NT5DC2: variants seen among roughly 807,000 people sequenced by gnomAD.
NT5DC2 encodes the protein 5'-nucleotidase domain containing 2.
A neutral mutation model predicts 70.0 loss-of-function variants in NT5DC2; 41 were observed. The ratio of observed to expected loss-of-function variants is 0.59; its 90% confidence interval spans 0.46 to 0.76. The LOEUF (loss-of-function observed/expected upper bound fraction) is 0.76, where lower values mean the gene tolerates loss of function less well. NT5DC2 is among the 30% of genes least tolerant of loss of function. The probability of loss-of-function intolerance (pLI) is 0.00; values close to 1 mark genes in which losing one functional copy is unlikely to be tolerated. For missense variants in NT5DC2, 705 were observed against 783.2 expected, an observed-to-expected ratio of 0.90 and a Z score of 1.19; for synonymous variants, 299 against 310.4, an observed-to-expected ratio of 0.96 and a Z score of 0.39.
chr3:52,528,180 C>G lies in NT5DC2; in HGVS notation c.771+3G>C. On this transcript the variant is annotated splice_donor_region_variant and intron_variant, in intron 6 of 13. Coordinates refer to ENST00000422318, the MANE Select transcript of NT5DC2 (RefSeq NM_001134231.2). ...CATCCGAGGGCAGGCCCAGCATCCTCACCGTCACGTCCTTGTAGAGATGTG... is the reference window on the plus strand; with the variant it reads ...CATCCGAGGGCAGGCCCAGCATCCTGACCGTCACGTCCTTGTAGAGATGTG... 1 of 1,613,174 alleles carries G rather than the reference C, an allele frequency of 6.2e-7. No individual in the cohort carries two copies. Among genetic ancestry groups the G allele is most frequent in the Non-Finnish European group, 8.5e-7 (1 of 1,180,044 alleles).
At position 52,524,944 on chromosome 3, in the gene NT5DC2, C is replaced by A; in HGVS notation, c.1347+19G>T. The A allele has an allele frequency of 6.2e-7, 1 of 1,612,380 alleles. No individual in the cohort carries two copies. On this transcript the variant is annotated intron_variant, in intron 12 of 13. Coordinates refer to ENST00000422318, the MANE Select transcript of NT5DC2 (RefSeq NM_001134231.2). Reference sequence around the variant, plus strand: ...GGAGGCTACCGCCCTGGCCCTCCCACAGCCACCCCGGCCCACACCTGCATG... The same window carrying A: ...GGAGGCTACCGCCCTGGCCCTCCCAAAGCCACCCCGGCCCACACCTGCATG...
At position 52,533,489 on chromosome 3, in the gene NT5DC2, C is replaced by A; in HGVS notation, c.232+17G>T. On this transcript the variant is annotated intron_variant, in intron 1 of 13. Coordinates refer to ENST00000422318, the MANE Select transcript of NT5DC2 (RefSeq NM_001134231.2). ...GCGGAAGACACCCCGGCGCACGTCC[C>A]GCCCCGGCTCACCCACCGTGCACCA... 6.7e-7 allele frequency: 1 copy of A among 1,495,416 alleles called. No homozygotes were observed. The highest frequency in any genetic ancestry group is 2.9e-5 in the East Asian group (1 of 34,418). 92.6% of individuals were successfully genotyped at this position (1,495,416 alleles called of 1,614,324 possible). A position where few individuals can be genotyped will look rare whatever the true frequency, so the allele number is the denominator to read the frequency against.
intron 5 of NT5DC2, 33 bp downstream of exon 5, chr3:52,528,413 A>G (rs1222838764): frequency 5.0e-6 from 8 of 1,612,424 alleles, no homozygotes; most frequent in Non-Finnish European, 5.9e-6. Flanking sequence ...GCACATGTCC[A>G]TGGGGCAGGC....
At chr3:52,527,222 C>G (rs1261706447) in intron 10 of NT5DC2, 72 bp downstream of exon 10, 6 of 1,414,860 alleles carry the variant, frequency 4.2e-6, no homozygotes, top group Non-Finnish European at 6.0e-6. Context: ...CAGAGGCTGC[C>G]TCTGCACAGC....
intron 1 of NT5DC2, among the ~76,000 whole-genome samples, chr3:52,532,772 A>C (rs74690188): frequency 0.013 from 1,970 of 152,160 alleles, 17 homozygotes; most frequent in South Asian, 0.031. Context: ...TCTGCTGCAG[A>C]AGCAGGGCCC....
rs369672876 is a variant in NT5DC2, at chr3:52,524,867, C to T, written c.1362G>A (p.Ala454=). The change falls in exon 13 of 14, where the codon GCG becomes GCA. Residue 454 remains alanine (A), a synonymous_variant. Transcript: ENST00000422318. The part of the protein sequence containing the change: ...LLERMQTYQD[A]ESRQVLAAWM... ...AGGCAGCCAGCACCTGCCTCGACTC[C>T]GCGTCCTGATAGGTCTGGGGACACA... The T allele has an allele frequency of 1.1e-4, 179 of 1,612,388 alleles. 1 individual carries two copies. The highest frequency in any genetic ancestry group is 7.9e-4 in the South Asian group (72 of 91,080).
intron 1 of NT5DC2, chr3:52,532,117 G>A: frequency 1.1e-6 from 1 of 936,770 alleles, no homozygotes; most frequent in African/African-American, 1.8e-5. Context: ...GCCCAAAGCG[G>A]ACCTCGGCGC....
rs1486265331 is a variant in NT5DC2 at position 52,531,714 on chromosome 3, G to A, written c.232+1792C>T. 6.6e-6 allele frequency among the ~76,000 whole-genome samples: 1 copy of A among 151,716 alleles called. No homozygotes were observed. Among genetic ancestry groups the A allele is most frequent in the Non-Finnish European group, 1.5e-5 (1 of 67,884 alleles). ...GGCAGCTGAGGGTGTGTCCCACTCA[G>A]CATGTCCAGCAATTGCCCTCCTTTC... On this transcript the variant is annotated intron_variant, in intron 1 of 13. Transcript: ENST00000422318. The surrounding 1 kb of genome is among the most constrained non-coding windows in gnomAD (Gnocchi z 4.1).
Position 52,525,169 on chromosome 3 carries a change from C to T in NT5DC2, c.1206+40G>A, listed in dbSNP as rs1309380642. ...CTGGGGGCGGGGGGGGGGGGGTTTC[C>T]TGGCCCTCCCCCACTGCAGCCCAGC... On this transcript the variant is annotated intron_variant, in intron 11 of 13. Coordinates refer to ENST00000422318, the MANE Select transcript of NT5DC2 (RefSeq NM_001134231.2). 3.2e-6 allele frequency: 5 copies of T among 1,578,146 alleles called. No homozygotes were observed. The South Asian group carries it at 5.7e-5, about 18-fold the overall frequency.
intron 10 of NT5DC2, 105 bp downstream of exon 10, chr3:52,527,189 G>T: frequency 9.2e-7 from 1 of 1,081,730 alleles, no homozygotes; most frequent in Non-Finnish European, 1.4e-6. Context: ...GCTGCTCAGG[G>T]CCAAGGAGCT....
At position 52,527,393 on chromosome 3, in the gene NT5DC2, G is replaced by A. The variant is rs1467367367; in HGVS notation, c.1038-18C>T. 6.2e-7 allele frequency: 1 copy of A among 1,613,054 alleles called. No individual in the cohort carries two copies. The highest frequency in any genetic ancestry group is 8.5e-7 in the Non-Finnish European group (1 of 1,179,154). On this transcript the variant is annotated intron_variant, in intron 9 of 13. Coordinates refer to ENST00000422318, the MANE Select transcript of NT5DC2 (RefSeq NM_001134231.2). ...TGAAAGGCCTGGGGTGCAGGTAAAG[G>A]GCATGACTTCCAGTCTGTGGCTGGG...
intron 10 of NT5DC2, chr3:52,525,550 T>G (rs1481014293): frequency 1.9e-6 from 1 of 516,680 alleles, no homozygotes; most frequent in Non-Finnish European, 3.5e-6. Flanking sequence ...CCCTGTGGTC[T>G]CACACGTACC....
chr3:52,525,325 C>CAA, intron 10 of NT5DC2, 30 bp from the exon 11 acceptor site: 1 of 1,568,880 alleles, frequency 6.4e-7, no homozygotes, highest in Non-Finnish European at 8.7e-7. Flanking sequence ...GCTGCTGAGC[C>CAA]AAGTGTGCCT....
At chr3:52,528,390 C>A in intron 5 of NT5DC2, 56 bp downstream of exon 5, 1 of 1,613,206 alleles carries the variant, frequency 6.2e-7, no homozygotes, top group Admixed American at 1.7e-5. Flanking sequence ...CCCAAATCTG[C>A]CTTGGGACAT....
rs1195605036 is a variant in NT5DC2 at position 52,531,046 on chromosome 3, C to T, written c.233-1712G>A. 1.3e-5 allele frequency among the ~76,000 whole-genome samples: 2 copies of T among 152,236 alleles called. No homozygotes were observed. The highest frequency in any genetic ancestry group is 4.8e-5 in the African/African-American group (2 of 41,474). Reference sequence around the variant, plus strand: ...AGGCCAGAGGGCCAGGGAAGCCCCACAGTGTGCCTGGCAGCTGCTGCACTC... The same window carrying T: ...AGGCCAGAGGGCCAGGGAAGCCCCATAGTGTGCCTGGCAGCTGCTGCACTC... On this transcript the variant is annotated intron_variant, in intron 1 of 13. Coordinates refer to ENST00000422318, the MANE Select transcript of NT5DC2 (RefSeq NM_001134231.2). This position sits in a 1 kb window ranked among gnomAD's most constrained non-coding sequence, Gnocchi z 4.1.
chr3:52,529,103 C>T lies in NT5DC2; in HGVS notation c.417+47G>A, dbSNP rs1182415309. 1.9e-6 allele frequency: 3 copies of T among 1,611,134 alleles called. No homozygotes were observed. In the Admixed American group the frequency reaches 5.0e-5, roughly 27 times the overall value. ...GAGCTTAGGCCAAGGTGGGTCTGGC[C>T]AGCCTCCAAGCCCTGGGTTTGTTGG... On this transcript the variant is annotated intron_variant, in intron 2 of 13. Coordinates refer to ENST00000422318, the MANE Select transcript of NT5DC2 (RefSeq NM_001134231.2). The surrounding 1 kb of genome is among the most constrained non-coding windows in gnomAD (Gnocchi z 4.1).
At chr3:52,527,964 C>T in intron 7 of NT5DC2, 33 bp from the exon 8 acceptor site, 2 of 1,613,432 alleles carry the variant, frequency 1.2e-6, no homozygotes, top group South Asian at 1.1e-5. Flanking sequence ...GAGGGTCAGT[C>T]CTGCCACCTG....
chr3:52,534,678 G>C (rs2079405800), upstream of NT5DC2: 1 of 1,589,974 alleles, frequency 6.3e-7, no homozygotes, highest in Non-Finnish European at 8.6e-7. Context: ...TCCGTATTCC[G>C]AGCCCGCACG....
Position 52,533,702 on chromosome 3 carries a change from G to C in NT5DC2, c.36C>G (p.Arg12=). The C allele has an allele frequency of 9.8e-7, 1 of 1,023,356 alleles. No individual in the cohort carries two copies. The highest frequency in any genetic ancestry group is 1.2e-6 in the Non-Finnish European group (1 of 856,540). The allele number at this position is 1,023,356 out of a possible 1,614,324, so 63.4% of individuals were successfully genotyped here. A position where few individuals can be genotyped will look rare whatever the true frequency, so the allele number is the denominator to read the frequency against. The change falls in exon 1 of 14, where the codon CGC becomes CGG. Residue 12 remains arginine, a synonymous_variant. Coordinates refer to ENST00000422318, the MANE Select transcript of NT5DC2 (RefSeq NM_001134231.2). The part of the protein sequence containing the change: ...AGAGLRAAAR[R]WLLCGGHGGP... ...CGCCGTGGCCTCCGCACAGCAGCCA[G>C]CGCCGAGCGGCCGCCCGCAGCCCCG...
Sources: allele counts gnomAD v4.1 joint callset (sites outside exome capture counted in the v4.1 genomes callset), GRCh38; gene constraint gnomAD v4.1.1; non-coding constraint Gnocchi (gnomAD v3.1); transcripts MANE v1.5; gene names NCBI Gene and HGNC (gene_info 2026-07-23, HGNC 2026-07-21).